Variants in ZNF365 observed in about 807,000 individuals in gnomAD.
ZNF365 encodes the protein protein ZNF365.
ZNF365 carries 22 observed loss-of-function variants against 35.0 expected under a neutral mutation model. The observed-to-expected ratio is 0.63, with a 90% confidence interval of 0.45 to 0.90. The LOEUF (loss-of-function observed/expected upper bound fraction) is 0.90. Ranked by LOEUF, ZNF365 falls within the 40% of genes least tolerant of loss-of-function variation. The probability of loss-of-function intolerance (pLI) is 0.00; values close to 1 mark genes in which losing one functional copy is unlikely to be tolerated. For missense variants in ZNF365, 448 were observed against 500.3 expected (o/e 0.90, Z 1.00); for synonymous variants, 188 against 196.2 (o/e 0.96, Z 0.35).
intron 4 of ZNF365, among the ~76,000 whole-genome samples, chr10:62,468,340 A>T (rs989475414): frequency 3.9e-5 from 6 of 152,208 alleles, no homozygotes; most frequent in Admixed American, 3.3e-4. Context: ...GGACATCAAA[A>T]TGTTCATGGA....
chr10:62,479,157 A>G (rs1841180416), intron 4 of ZNF365, among the ~76,000 whole-genome samples: 2 of 152,242 alleles, frequency 1.3e-5, no homozygotes, highest in Non-Finnish European at 2.9e-5. Flanking sequence ...AAAAGTTCCA[A>G]TAAATGGCCT....
At chr10:62,386,821 A>T (rs976682848) in intron 2 of ZNF365, among the ~76,000 whole-genome samples, 2 of 152,244 alleles carry the variant, frequency 1.3e-5, no homozygotes, top group African/African-American at 4.8e-5. Flanking sequence ...GAAAATAAAG[A>T]TCAAGTGGAG....
At chr10:62,464,867 G>C (rs922519505) in intron 4 of ZNF365, among the ~76,000 whole-genome samples, 3 of 152,224 alleles carry the variant, frequency 2.0e-5, no homozygotes, top group Non-Finnish European at 4.4e-5. Flanking sequence ...CCCATCTGGA[G>C]TGGCCACTAC....
At chr10:62,408,037 A>G (rs768588363) in intron 3 of ZNF365, among the ~76,000 whole-genome samples, 17 of 152,202 alleles carry the variant, frequency 1.1e-4, no homozygotes, top group Admixed American at 6.5e-5. Context: ...TCAGCATACA[A>G]ATCACAATCT....
At chr10:62,441,963 G>A (rs1352042103) in intron 3 of ZNF365, among the ~76,000 whole-genome samples, 3 of 152,102 alleles carry the variant, frequency 2.0e-5, no homozygotes, top group East Asian at 3.9e-4. Flanking sequence ...CCGGAGCCCC[G>A]TCAATCAAAG....
At chr10:62,430,028 T>C (rs1253214328) in intron 3 of ZNF365, among the ~76,000 whole-genome samples, 1 of 152,198 alleles carries the variant, frequency 6.6e-6, no homozygotes, top group Non-Finnish European at 1.5e-5. Context: ...TTAGTAACAT[T>C]GTACTGGTCT....
chr10:62,438,623 G>T (rs919694818), intron 3 of ZNF365, among the ~76,000 whole-genome samples: 8 of 152,206 alleles, frequency 5.3e-5, no homozygotes, highest in Non-Finnish European at 7.3e-5. Context: ...CTGGCATTAA[G>T]GAAGAGATAT....
chr10:62,396,166 G>C (rs1589434562), intron 3 of ZNF365, among the ~76,000 whole-genome samples: 1 of 152,182 alleles, frequency 6.6e-6, no homozygotes, highest in East Asian at 1.9e-4. Flanking sequence ...TCATTTATAG[G>C]ATCTTTGGAG....
intron 2 of ZNF365, among the ~76,000 whole-genome samples, chr10:62,380,513 A>G (rs1306079186): frequency 1.3e-5 from 2 of 152,194 alleles, no homozygotes; most frequent in Non-Finnish European, 2.9e-5. Flanking sequence ...TGGAGAGTCA[A>G]AAGTTATACT....
intron 3 of ZNF365, among the ~76,000 whole-genome samples, chr10:62,456,836 G>A (rs1049086597): frequency 1.5e-4 from 22 of 142,702 alleles, no homozygotes; most frequent in South Asian, 6.5e-4. Context: ...ACACACGTGC[G>A]CACACATGCA....
intron 3 of ZNF365, among the ~76,000 whole-genome samples, chr10:62,426,794 A>T (rs1840256894): frequency 6.6e-6 from 1 of 152,028 alleles, no homozygotes; most frequent in South Asian, 2.1e-4. Flanking sequence ...AAGTTAGAGG[A>T]ATGTCACCTC....
chr10:62,391,722 A>G (rs1030893355), intron 3 of ZNF365, among the ~76,000 whole-genome samples: 4 of 152,250 alleles, frequency 2.6e-5, no homozygotes, highest in Non-Finnish European at 5.9e-5. Flanking sequence ...GTATGCAATT[A>G]TCTTTTTCAT....
intron 3 of ZNF365, among the ~76,000 whole-genome samples, chr10:62,410,154 A>T (rs1839963906): frequency 6.6e-6 from 1 of 152,008 alleles, no homozygotes; most frequent in Non-Finnish European, 1.5e-5. Context: ...GCCTCACGGG[A>T]CTGCCTTGTT....
chr10:62,447,994 G>A (rs926756496), intron 3 of ZNF365, among the ~76,000 whole-genome samples: 52 of 152,088 alleles, frequency 3.4e-4, no homozygotes, highest in African/African-American at 8.7e-4. Context: ...GAACTGTATC[G>A]TGAACACCCG....
chr10:62,475,089 G>A (rs146560545), intron 4 of ZNF365, among the ~76,000 whole-genome samples: 128 of 152,252 alleles, frequency 8.4e-4, no homozygotes, highest in African/African-American at 2.9e-3. Context: ...AAATTCTCAT[G>A]GCCACTCTGG....
In ZNF365 at chr10:62,400,683, C is replaced by T. The variant is rs1034584478; in HGVS notation, c.*894C>T. The stretch of plus-strand genomic sequence containing the variant: ...CATCCTGGAAGCACTGCGGGTGTCG[C>T]CAAGCCCTTTCCTAAGACCTGCTTC... On this transcript the variant is annotated 3_prime_UTR_variant, in exon 5 of 5. Coordinates refer to ENST00000395254, the MANE Select transcript of ZNF365 (RefSeq NM_014951.3). 8 of 985,570 alleles carry T rather than the reference C, an allele frequency of 8.1e-6. No homozygotes were observed. The highest frequency in any genetic ancestry group is 6.1e-5 in the Admixed American group (1 of 16,268). The allele number at this position is 985,570 out of a possible 1,614,324, so 61.1% of individuals were successfully genotyped here. A position where few individuals can be genotyped will look rare whatever the true frequency, so the allele number is the denominator to read the frequency against.
intron 3 of ZNF365, among the ~76,000 whole-genome samples, chr10:62,431,816 A>C (rs1032302776): frequency 1.2e-4 from 19 of 152,118 alleles, no homozygotes; most frequent in African/African-American, 4.6e-4. Flanking sequence ...TTTTAAGTAG[A>C]GAGGTTTAAA....
chr10:62,409,830 G>A (rs548057184), intron 3 of ZNF365, among the ~76,000 whole-genome samples: 1 of 152,178 alleles, frequency 6.6e-6, no homozygotes, highest in Admixed American at 6.5e-5. Flanking sequence ...TCCTGTATAA[G>A]CCAGTCATGC....
intron 3 of ZNF365, among the ~76,000 whole-genome samples, chr10:62,390,442 T>C (rs1419951713): frequency 1.3e-5 from 2 of 152,270 alleles, no homozygotes; most frequent in Non-Finnish European, 2.9e-5. Context: ...TCATTCTCTC[T>C]TTTAAAATTG....
Sources: gnomAD v4.1 joint callset for allele counts (sites outside exome capture counted in the v4.1 genomes callset) on GRCh38, gnomAD v4.1.1 for gene constraint, MANE v1.5 for transcripts, NCBI Gene and HGNC (gene_info 2026-07-23, HGNC 2026-07-21) for gene names.